NUDCD2: variants seen among roughly 807,000 people sequenced by gnomAD.
NUDCD2 encodes the protein NudC domain containing 2, also known as nudC domain-containing protein 2.
A neutral mutation model predicts 20.8 loss-of-function variants in NUDCD2; 16 were observed. The ratio of observed to expected loss-of-function variants is 0.77; its 90% CI spans 0.52 to 1.17. The LOEUF (loss-of-function observed/expected upper bound fraction) is 1.17, where lower values mean the gene tolerates loss of function less well. NUDCD2 is among the 50% of genes most tolerant of loss of function. NUDCD2 has a pLI of 0.00. For synonymous variants in NUDCD2, 87 were observed against 72.8 expected (o/e 1.20, Z -1.00); for missense variants, 199 against 193.9 (o/e 1.03, Z -0.16).
chr5:163,450,505 G>A lies in NUDCD2; in HGVS notation c.*3462C>T, dbSNP rs1758151783. 6.6e-6 allele frequency: 1 copy of A among 152,200 alleles called. No individual in the cohort carries two copies. Among genetic ancestry groups the A allele is most frequent in the East Asian group, 1.9e-4 (1 of 5,188 alleles). The allele number at this position is 152,200 out of a possible 1,614,324, so 9.4% of individuals were successfully genotyped here. On this transcript the variant is annotated 3_prime_UTR_variant, in exon 4 of 4. Transcript: ENST00000302764. ...CCCAATAAGACAACTAAAAAAATGGGTAAATAATTTGAATAAACACTGCTT... is the reference window on the plus strand; with the variant it reads ...CCCAATAAGACAACTAAAAAAATGGATAAATAATTTGAATAAACACTGCTT...
At position 163,460,089 on chromosome 5, in the gene NUDCD2, C is replaced by T; in HGVS notation, c.-39G>A. ...CCGGCCGCGGCCGCACCAGGCGGAG[C>T]CGAGCGCACGCGCGGAATCCCACGC... On this transcript the variant is annotated 5_prime_UTR_variant, in exon 1 of 4. Coordinates refer to ENST00000302764, the MANE Select transcript of NUDCD2 (RefSeq NM_145266.6). 6.7e-7 allele frequency: 1 copy of T among 1,502,494 alleles called. No individual in the cohort carries two copies. Among genetic ancestry groups the T allele is most frequent in the Non-Finnish European group, 8.9e-7 (1 of 1,125,948 alleles). 93.1% of individuals were successfully genotyped at this position (1,502,494 alleles called of 1,614,324 possible).
chr5:163,457,544 T>C lies in NUDCD2; in HGVS notation c.238+18A>G, dbSNP rs1421503906. On this transcript the variant is annotated intron_variant, in intron 2 of 3. Transcript: ENST00000302764. ...ACAAAATTATTTTAATTTGATGAAT[T>C]ATAGTAATTACCCTTACCCAAAGTC... is the stretch of plus-strand genomic sequence containing the variant. The C allele has an allele frequency of 7.2e-7, 1 of 1,390,542 alleles. No homozygotes were observed. The highest frequency in any genetic ancestry group is 2.3e-5 in the East Asian group (1 of 43,706). 86.1% of individuals were successfully genotyped at this position (1,390,542 alleles called of 1,614,324 possible). A position where few individuals can be genotyped will look rare whatever the true frequency, so the allele number is the denominator to read the frequency against.
chr5:163,450,470 ACT>A lies in NUDCD2; in HGVS notation c.*3495_*3496del, dbSNP rs1758150664. The stretch of plus-strand genomic sequence containing the variant: ...AGACTTGTACCCAGAATATATAAAG[ACT>A]CTTACTACCCAATAAGACAACTAAA... On this transcript the variant is annotated 3_prime_UTR_variant, in exon 4 of 4. Coordinates refer to ENST00000302764, the MANE Select transcript of NUDCD2 (RefSeq NM_145266.6). The A allele has an allele frequency of 6.6e-6, 1 of 152,182 alleles. No individual in the cohort carries two copies. Among genetic ancestry groups the A allele is most frequent in the Admixed American group, 6.5e-5 (1 of 15,276 alleles). 9.4% of individuals were successfully genotyped at this position (152,182 alleles called of 1,614,324 possible). A position where few individuals can be genotyped will look rare whatever the true frequency, so the allele number is the denominator to read the frequency against.
At chr5:163,456,147 G>C (rs1758304997) in intron 3 of NUDCD2, among the ~76,000 whole-genome samples, 1 of 152,092 alleles carries the variant, frequency 6.6e-6, no homozygotes, top group Non-Finnish European at 1.5e-5. Flanking sequence ...AACCGGGTAT[G>C]CAGGTCCTAA....
In NUDCD2 at chr5:163,456,919, T is replaced by C; in HGVS notation, c.390+10A>G. The C allele has an allele frequency of 6.3e-7, 1 of 1,591,644 alleles. No homozygotes were observed. The highest frequency in any genetic ancestry group is 8.6e-7 in the Non-Finnish European group (1 of 1,168,386). On this transcript the variant is annotated intron_variant, in intron 3 of 3. Coordinates refer to ENST00000302764, the MANE Select transcript of NUDCD2 (RefSeq NM_145266.6). Reference sequence around the variant, plus strand: ...TAATTACACATACTCATACACTTCATCTGACTTACTTCTTTTTGGAATCTC... The same window carrying C: ...TAATTACACATACTCATACACTTCACCTGACTTACTTCTTTTTGGAATCTC...
chr5:163,460,012 C>G lies in NUDCD2; in HGVS notation c.39G>C (p.Pro13=). ...ACCACTGGCCCCACGGGGTCCCGCA[C>G]GGTACCACCCCACTCCGCTCCTCAA... ...APFEERSGVV[P]CGTPWGQWYQ... Residue 13 remains proline (P), a synonymous_variant, in exon 1 of 4, where the codon CCG becomes CCC. Transcript: ENST00000302764. The G allele has an allele frequency of 6.2e-7, 1 of 1,610,684 alleles. No homozygotes were observed. The highest frequency in any genetic ancestry group is 1.1e-5 in the South Asian group (1 of 90,838).
rs775176327 is a variant in NUDCD2, at chr5:163,448,085, C to G, written c.*5882G>C. The G allele has an allele frequency of 6.6e-6, 1 of 151,454 alleles. No homozygotes were observed. The highest frequency in any genetic ancestry group is 1.5e-5 in the Non-Finnish European group (1 of 67,914). The allele number at this position is 151,454 out of a possible 1,614,324, so 9.4% of individuals were successfully genotyped here. A position where few individuals can be genotyped will look rare whatever the true frequency, so the allele number is the denominator to read the frequency against. On this transcript the variant is annotated 3_prime_UTR_variant, in exon 4 of 4. Coordinates refer to ENST00000302764, the MANE Select transcript of NUDCD2 (RefSeq NM_145266.6). ...CTGAGGTAGGAGGATCATGACCCCA[C>G]GAGTTTGAGGCTGCAGTGAGCTATG...
intron 1 of NUDCD2, 69 bp downstream of exon 1, chr5:163,459,793 C>T: frequency 7.2e-7 from 1 of 1,394,270 alleles, no homozygotes; most frequent in Non-Finnish European, 9.8e-7. Context: ...ACCCAACAGT[C>T]GTTCAGGGAA....
At position 163,457,902 on chromosome 5, in the gene NUDCD2, A is replaced by G. The variant is rs768063909; in HGVS notation, c.190-292T>C. Among the ~76,000 whole-genome samples, 91 of 152,126 alleles carry G rather than the reference A, an allele frequency of 6.0e-4. 2 individuals are homozygous for G. In the Middle Eastern group the frequency reaches 0.014, roughly 23 times the overall value. ...TGACCACTGGCCAAATGTGAAATTA[A>G]TATCTGAAATGCTTTAATTCTACCA... On this transcript the variant is annotated intron_variant, in intron 1 of 3. Transcript: ENST00000302764.
chr5:163,459,891 G>A lies in NUDCD2; in HGVS notation c.160C>T (p.Leu54=). ...AGGATCTCGCGGCCGCCCACCGACA[G>A]CGCCACATGCCGGCTCTGGAGGCCG... ...QCGLQSRHVA[L]SVGGREILKG... The change falls in exon 1 of 4, where the codon CTG becomes TTG. Residue 54 remains leucine (L), a synonymous_variant. Transcript: ENST00000302764. The A allele has an allele frequency of 6.2e-7, 1 of 1,608,722 alleles. No homozygotes were observed. Among genetic ancestry groups the A allele is most frequent in the Non-Finnish European group, 8.5e-7 (1 of 1,178,028 alleles).
rs1432296096 is a variant in NUDCD2, at chr5:163,451,231, T to C, written c.*2736A>G. On this transcript the variant is annotated 3_prime_UTR_variant, in exon 4 of 4. Transcript: ENST00000302764. ...TGGTTGCATTTATCTGTGTATATAC[T>C]AAAAGCTACTGAATTACACACCTTA... is the stretch of plus-strand genomic sequence containing the variant. 1 of 152,252 alleles carries C rather than the reference T, an allele frequency of 6.6e-6. No individual in the cohort carries two copies. Among genetic ancestry groups the C allele is most frequent in the African/African-American group, 2.4e-5 (1 of 41,466 alleles). The allele number at this position is 152,252 out of a possible 1,614,324, so 9.4% of individuals were successfully genotyped here.
rs1758057896 is a variant in NUDCD2 at position 163,447,203 on chromosome 5, A to G, written c.*6764T>C. ...AGACTCATTCATTCCTGTAATTCCAATGCTTTGGGAAGCCAAGGTGGGAGG... is the reference window on the plus strand; with the variant it reads ...AGACTCATTCATTCCTGTAATTCCAGTGCTTTGGGAAGCCAAGGTGGGAGG... On this transcript the variant is annotated 3_prime_UTR_variant, in exon 4 of 4. Coordinates refer to ENST00000302764, the MANE Select transcript of NUDCD2 (RefSeq NM_145266.6). The G allele has an allele frequency of 6.6e-6, 1 of 152,510 alleles. No individual in the cohort carries two copies. The highest frequency in any genetic ancestry group is 1.9e-4 in the East Asian group (1 of 5,160). 9.4% of individuals were successfully genotyped at this position (152,510 alleles called of 1,614,324 possible).
chr5:163,450,916 T>A lies in NUDCD2; in HGVS notation c.*3051A>T, dbSNP rs1186102605. ...ACCCAAAATGTCCAACTTACAAATG[T>A]ATAAACAAAGTGCTACAGCCATACA... On this transcript the variant is annotated 3_prime_UTR_variant, in exon 4 of 4. Transcript: ENST00000302764. 1 of 152,220 alleles carries A rather than the reference T, an allele frequency of 6.6e-6. No homozygotes were observed. Among genetic ancestry groups the A allele is most frequent in the African/African-American group, 2.4e-5 (1 of 41,456 alleles). 9.4% of individuals were successfully genotyped at this position (152,220 alleles called of 1,614,324 possible).
intron 2 of NUDCD2, among the ~76,000 whole-genome samples, 171 bp downstream of exon 2, chr5:163,457,387 CAACT>C (rs150381182): frequency 0.091 from 13,820 of 152,078 alleles, 867 homozygotes; most frequent in African/African-American, 0.19. Context: ...TTTCCAAAAA[CAACT>C]AACTAATTTT....
Position 163,453,929 on chromosome 5 carries a change from TATCTGCTAGGATCCACAGAATGCA to T in NUDCD2, c.*14_*37del. The stretch of plus-strand genomic sequence containing the variant: ...TCTGTTTATCTGATTAAGTTGGCAA[TATCTGCTAGGATCCACAGAATGCA>T]GGAAAAAAAGCAGTTATTTCTCAAG... On this transcript the variant is annotated 3_prime_UTR_variant, in exon 4 of 4. Coordinates refer to ENST00000302764, the MANE Select transcript of NUDCD2 (RefSeq NM_145266.6). The T allele has an allele frequency of 8.4e-7, 1 of 1,186,288 alleles. No homozygotes were observed. Among genetic ancestry groups the T allele is most frequent in the Non-Finnish European group, 1.2e-6 (1 of 841,904 alleles). 73.5% of individuals were successfully genotyped at this position (1,186,288 alleles called of 1,614,324 possible).
At position 163,449,427 on chromosome 5, in the gene NUDCD2, T is replaced by A. The variant is rs1758121019; in HGVS notation, c.*4540A>T. The A allele has an allele frequency of 6.6e-6, 1 of 152,216 alleles. No homozygotes were observed. Among genetic ancestry groups the A allele is most frequent in the South Asian group, 2.1e-4 (1 of 4,832 alleles). 9.4% of individuals were successfully genotyped at this position (152,216 alleles called of 1,614,324 possible). Reference sequence around the variant, plus strand: ...TTCCTCCAAAATGAACACTGTGGAATATATGCTGAAAAATGACATAAAATG... The same window carrying A: ...TTCCTCCAAAATGAACACTGTGGAAAATATGCTGAAAAATGACATAAAATG... On this transcript the variant is annotated 3_prime_UTR_variant, in exon 4 of 4. Coordinates refer to ENST00000302764, the MANE Select transcript of NUDCD2 (RefSeq NM_145266.6).
At chr5:163,454,867 G>T (rs1758264473) in intron 3 of NUDCD2, among the ~76,000 whole-genome samples, 1 of 152,116 alleles carries the variant, frequency 6.6e-6, no homozygotes, top group Admixed American at 6.5e-5. Context: ...AAAAATCCCT[G>T]CTCTAGTGGA....
chr5:163,459,969 C>T lies in NUDCD2; in HGVS notation c.82G>A (p.Val28Met). Residue 28 changes from valine (V) to methionine (M), a missense_variant, in exon 1 of 4, where the codon GTG (valine) becomes ATG (methionine). Physicochemically the swap from Val to Met is conservative, Grantham distance 21. Coordinates refer to ENST00000302764, the MANE Select transcript of NUDCD2 (RefSeq NM_145266.6). ...GGCGGCACCTGAACTTCAATGAACA[C>T]CTCCTCCAAGGTCTGGTACCACTGG... is the stretch of plus-strand genomic sequence containing the variant. Reference protein sequence around the residue: ...WGQWYQTLEEVFIEVQVPPGT... With the variant: ...WGQWYQTLEEMFIEVQVPPGT... 1 of 1,613,708 alleles carries T rather than the reference C, an allele frequency of 6.2e-7. No individual in the cohort carries two copies. The highest frequency in any genetic ancestry group is 8.5e-7 in the Non-Finnish European group (1 of 1,179,854).
rs1370054130 is a variant in NUDCD2 at position 163,457,562 on chromosome 5, C to CTTTG, written c.237_238insCAAA (p.Glu80GlnfsTer29). 2 of 1,554,278 alleles carry CTTTG rather than the reference C, an allele frequency of 1.3e-6. No homozygotes were observed. Among genetic ancestry groups the CTTTG allele is most frequent in the South Asian group, 2.2e-5 (2 of 89,370 alleles). ...GATGAATTATAGTAATTACCCTTAC[C>CTTTG]CAAAGTCCATGTTCCCTCATCAGCT... On this transcript the variant is annotated frameshift_variant and splice_region_variant, in exon 2 of 4. Transcript: ENST00000302764. LOFTEE classifies it high-confidence loss of function.
Sources: gnomAD v4.1 joint callset for allele counts (sites outside exome capture counted in the v4.1 genomes callset) on GRCh38, gnomAD v4.1.1 for gene constraint, MANE v1.5 for transcripts, NCBI Gene and HGNC (gene_info 2026-07-23, HGNC 2026-07-21) for gene names.